DAGLA: variants seen among roughly 807,000 people sequenced by gnomAD.
DAGLA encodes the protein diacylglycerol lipase alpha, also known as diacylglycerol lipase-alpha.
A neutral mutation model predicts 102.6 loss-of-function variants in DAGLA; 22 were observed. That is an observed-to-expected ratio of 0.21 (90% confidence interval 0.15 to 0.31). The LOEUF (loss-of-function observed/expected upper bound fraction) is 0.31. DAGLA is among the 10% of genes least tolerant of loss of function. The pLI is 1.00. For missense variants in DAGLA, 927 were observed against 1,446.6 expected (o/e 0.64, Z 5.83); for synonymous variants, 578 against 628.9 (o/e 0.92, Z 1.21).
At chr11:61,722,407 G>A (rs1038891409) in intron 3 of DAGLA, among the ~76,000 whole-genome samples, 2 of 152,174 alleles carry the variant, frequency 1.3e-5, no homozygotes, top group African/African-American at 2.4e-5. Flanking sequence ...CCAACATGAC[G>A]AAACCCCGTC....
At chr11:61,715,942 A>AG (rs948889612) in intron 1 of DAGLA, among the ~76,000 whole-genome samples, 9 of 151,884 alleles carry the variant, frequency 5.9e-5, no homozygotes, top group Middle Eastern at 3.4e-3. Context: ...ATCTAGCCAG[A>AG]GGGGGGGGAG....
At position 61,684,499 on chromosome 11, in the gene DAGLA, A is replaced by C. The variant is rs1402214618; in HGVS notation, c.-45+3995A>C. On this transcript the variant is annotated intron_variant, in intron 1 of 19. Coordinates refer to ENST00000257215, the MANE Select transcript of DAGLA (RefSeq NM_006133.3). The surrounding 1 kb of genome is among the most constrained non-coding windows in gnomAD (Gnocchi z 4.5). ...GTGGACGTGGGTTGTGTGTGTGGGC[A>C]GGAAAGACCCAGGAAACTGCCTTAT... Among the ~76,000 whole-genome samples, 7 of 152,090 alleles carry C rather than the reference A, an allele frequency of 4.6e-5. No homozygotes were observed. The highest frequency in any genetic ancestry group is 1.5e-5 in the Non-Finnish European group (1 of 68,008).
chr11:61,720,891 G>A lies in DAGLA; in HGVS notation c.307+1G>A. 1 of 1,610,284 alleles carries A rather than the reference G, an allele frequency of 6.2e-7. No individual in the cohort carries two copies. The highest frequency in any genetic ancestry group is 8.5e-7 in the Non-Finnish European group (1 of 1,178,158). The stretch of plus-strand genomic sequence containing the variant: ...CAGTACGTGCTCTACGTGCGCCTGG[G>A]TAAGGGCCACCCACCCTGGGGTGCT... On this transcript the variant is annotated splice_donor_variant, in intron 3 of 19. Coordinates refer to ENST00000257215, the MANE Select transcript of DAGLA (RefSeq NM_006133.3). LOFTEE classifies it high-confidence loss of function.
At chr11:61,738,630 GATT>G (rs1219849721) in intron 16 of DAGLA, among the ~76,000 whole-genome samples, 1 of 152,140 alleles carries the variant, frequency 6.6e-6, no homozygotes, top group East Asian at 1.9e-4. Context: ...CTGTGGAGAG[GATT>G]TGGGTACAGT....
chr11:61,720,022 C>CA, intron 1 of DAGLA, 90 bp from the exon 2 acceptor site: 3 of 860,154 alleles, frequency 3.5e-6, no homozygotes, highest in Non-Finnish European at 5.4e-6. Context: ...TCTGGCCACA[C>CA]CGGGGACTGG....
intron 6 of DAGLA, among the ~76,000 whole-genome samples, chr11:61,727,461 G>A (rs1474648944): frequency 6.6e-6 from 1 of 152,228 alleles, no homozygotes; most frequent in Non-Finnish European, 1.5e-5. Context: ...AACAGGTTAG[G>A]GAAGAGGCTC....
At chr11:61,691,787 T>A (rs1053713422) in intron 1 of DAGLA, among the ~76,000 whole-genome samples, 2 of 152,252 alleles carry the variant, frequency 1.3e-5, no homozygotes, top group Non-Finnish European at 2.9e-5. Context: ...ACGGTCTGGC[T>A]GCCTGTTGCA....
chr11:61,720,809 A>G lies in DAGLA; in HGVS notation c.226A>G (p.Ile76Val). ...LLSCMIAEMA[I>V]IWLSMRGGIL... ...GAGCTGCATGATCGCTGAGATGGCC[A>G]TCATCTGGCTGAGCATGCGCGGGGG... Residue 76 changes from isoleucine to valine, a missense_variant, in exon 3 of 20, where the codon ATC becomes GTC. This residue lies in a region of DAGLA where 231 missense variants were observed against 439.8 expected (regional missense o/e 0.53). Transcript: ENST00000257215. 1.9e-6 allele frequency: 3 copies of G among 1,613,800 alleles called. No homozygotes were observed. The highest frequency in any genetic ancestry group is 2.5e-6 in the Non-Finnish European group (3 of 1,180,044).
intron 1 of DAGLA, among the ~76,000 whole-genome samples, chr11:61,695,710 G>C (rs2065059491): frequency 6.6e-6 from 1 of 152,218 alleles, no homozygotes; most frequent in Non-Finnish European, 1.5e-5. Context: ...TTTCATCCCA[G>C]GGAGGGTACT....
At chr11:61,681,218 A>G (rs2135542414) in intron 1 of DAGLA, among the ~76,000 whole-genome samples, 1 of 152,196 alleles carries the variant, frequency 6.6e-6, no homozygotes, top group South Asian at 2.1e-4. Context: ...CCTGTTGGGT[A>G]CACTGGACTG....
At chr11:61,741,462 C>T (rs1231074667) in intron 19 of DAGLA, 113 bp downstream of exon 19, 4 of 1,192,070 alleles carry the variant, frequency 3.4e-6, no homozygotes, top group Non-Finnish European at 4.6e-6. Flanking sequence ...CACACGTGCA[C>T]AGGAGGGGTC....
At chr11:61,718,367 T>C (rs1383061280) in intron 1 of DAGLA, among the ~76,000 whole-genome samples, 3 of 152,172 alleles carry the variant, frequency 2.0e-5, no homozygotes, top group African/African-American at 7.2e-5. Flanking sequence ...GACAGCCCCC[T>C]GAGCCCGACC....
chr11:61,723,665 C>T (rs2065302891), intron 5 of DAGLA, 93 bp downstream of exon 5: 2 of 1,512,998 alleles, frequency 1.3e-6, no homozygotes, highest in Non-Finnish European at 1.8e-6. Context: ...CCCAGGCCTC[C>T]CAGACTGCAT....
chr11:61,681,429 T>C (rs2064941331), intron 1 of DAGLA, among the ~76,000 whole-genome samples: 1 of 152,064 alleles, frequency 6.6e-6, no homozygotes, highest in Non-Finnish European at 1.5e-5. Context: ...GAGGGGTGGA[T>C]GATTTTCAGT....
At chr11:61,720,303 A>G (rs1241819911) in intron 2 of DAGLA, 53 bp downstream of exon 2, 1 of 1,552,936 alleles carries the variant, frequency 6.4e-7, no homozygotes, top group African/African-American at 1.4e-5. Context: ...AAAGGTCTGG[A>G]AGGACGCTTT....
intron 15 of DAGLA, 72 bp downstream of exon 15, chr11:61,737,827 C>T: frequency 3.1e-6 from 4 of 1,278,466 alleles, no homozygotes; most frequent in Non-Finnish European, 4.6e-6. Context: ...TCCCCACCCC[C>T]AGCCCCCGCA....
chr11:61,714,922 AT>A (rs1203534178), intron 1 of DAGLA, among the ~76,000 whole-genome samples: 4 of 152,184 alleles, frequency 2.6e-5, no homozygotes, highest in African/African-American at 9.7e-5. Context: ...AGTAATAGTA[AT>A]GGCAGTGGCA....
chr11:61,717,864 C>T (rs1027636638), intron 1 of DAGLA, among the ~76,000 whole-genome samples: 5 of 152,212 alleles, frequency 3.3e-5, no homozygotes, highest in African/African-American at 1.2e-4. Context: ...ATCCCTCCAG[C>T]GTCTTGACAG....
At chr11:61,735,076 C>G in intron 10 of DAGLA, 74 bp downstream of exon 10, 1 of 1,537,420 alleles carries the variant, frequency 6.5e-7, no homozygotes, top group Non-Finnish European at 8.9e-7. Flanking sequence ...GGCTATCCTT[C>G]CAGGCCGGCA....
Sources: allele counts gnomAD v4.1 joint callset (sites outside exome capture counted in the v4.1 genomes callset), GRCh38; gene constraint gnomAD v4.1.1; regional missense constraint gnomAD v4.1.1; non-coding constraint Gnocchi (gnomAD v3.1); transcripts MANE v1.5; gene names NCBI Gene and HGNC (gene_info 2026-07-23, HGNC 2026-07-21).